MKS1: variants seen among roughly 807,000 people sequenced by gnomAD.
MKS1 encodes MKS transition zone complex subunit 1, also known as tectonic-like complex member MKS1.
Under a neutral mutation model 83.7 loss-of-function variants are expected in MKS1, and 70 were observed. The observed-to-expected ratio is 0.84, with a 90% CI of 0.69 to 1.02. The LOEUF (loss-of-function observed/expected upper bound fraction) is 1.02. MKS1 is among the 50% of genes least tolerant of loss of function. The probability of loss-of-function intolerance (pLI) is 0.00; values close to 1 mark genes in which losing one functional copy is unlikely to be tolerated. For synonymous variants in MKS1, 251 were observed against 273.4 expected, an observed-to-expected ratio of 0.92 and a Z score of 0.81; for missense variants, 681 against 726.9, an observed-to-expected ratio of 0.94 and a Z score of 0.73.
chr17:58,215,018 T>C (rs923200605), intron 4 of MKS1, 180 bp from the exon 5 acceptor site: 233 of 882,042 alleles, frequency 2.6e-4, no homozygotes, highest in Middle Eastern at 1.0e-3. Flanking sequence ...AGAAGATTTC[T>C]ACCACATCAT....
In MKS1 at chr17:58,206,263, A is replaced by G. The variant is rs2143734918; in HGVS notation, c.1588+20T>C. 1 of 1,614,060 alleles carries G rather than the reference A, an allele frequency of 6.2e-7. No individual in the cohort carries two copies. The highest frequency in any genetic ancestry group is 8.5e-7 in the Non-Finnish European group (1 of 1,179,954). ...AGGCCCATGCTGACCTGGGGTGGCC[A>G]GCTGGGGGAGGGGACATACCTAGCA... On this transcript the variant is annotated intron_variant, in intron 17 of 17. Coordinates refer to ENST00000393119, the MANE Select transcript of MKS1 (RefSeq NM_017777.4).
chr17:58,217,028 C>T (rs1457763798), intron 2 of MKS1, among the ~76,000 whole-genome samples: 3 of 152,210 alleles, frequency 2.0e-5, no homozygotes, highest in Admixed American at 2.0e-4. Flanking sequence ...CTCACTCTGT[C>T]ACCCAAGCTG....
chr17:58,219,013 A>T, intron 1 of MKS1, 138 bp downstream of exon 1: 1 of 1,254,524 alleles, frequency 8.0e-7, no homozygotes. Context: ...GGGGGTACGG[A>T]TAGTGAAAGA....
intron 10 of MKS1, 82 bp from the exon 11 acceptor site, chr17:58,210,806 C>A: frequency 8.1e-6 from 12 of 1,485,862 alleles, no homozygotes; most frequent in Non-Finnish European, 1.1e-5. Context: ...GGCCTACACA[C>A]CCTGAGAGCA....
chr17:58,213,167 T>G, intron 7 of MKS1, 77 bp from the exon 8 acceptor site: 2 of 1,407,218 alleles, frequency 1.4e-6, no homozygotes, highest in Non-Finnish European at 2.0e-6. Flanking sequence ...AGCCCAGGGA[T>G]GAGCGATCAG....
intron 1 of MKS1, 115 bp downstream of exon 1, chr17:58,219,036 G>A (rs2143841703): frequency 7.1e-7 from 1 of 1,417,916 alleles, no homozygotes; most frequent in East Asian, 2.5e-5. Flanking sequence ...TGGGGAGCCC[G>A]GAGAAGTGGT....
Position 58,205,666 on chromosome 17 carries a change from T to C in MKS1, c.*413A>G, listed in dbSNP as rs1968459591. The C allele has an allele frequency of 3.1e-6, 4 of 1,309,714 alleles. No individual in the cohort carries two copies. The highest frequency in any genetic ancestry group is 4.0e-6 in the Non-Finnish European group (4 of 992,850). The allele number at this position is 1,309,714 out of a possible 1,614,324, so 81.1% of individuals were successfully genotyped here. On this transcript the variant is annotated 3_prime_UTR_variant, in exon 18 of 18. Transcript: ENST00000393119. ...CTGGGGATTTAAGACCCTCTCACCGTCCACCTTCCTTCCTTCTTTGGTCTT... is the reference window on the plus strand; with the variant it reads ...CTGGGGATTTAAGACCCTCTCACCGCCCACCTTCCTTCCTTCTTTGGTCTT...
At chr17:58,216,837 C>G (rs987719415) in intron 2 of MKS1, 101 bp from the exon 3 acceptor site, 2 of 1,221,912 alleles carry the variant, frequency 1.6e-6, no homozygotes, top group East Asian at 2.4e-5. Flanking sequence ...ATATTTGCCA[C>G]AAAAACTAGC....
At chr17:58,207,826 T>C in intron 14 of MKS1, 68 bp downstream of exon 14, 1 of 1,387,384 alleles carries the variant, frequency 7.2e-7, no homozygotes, top group Non-Finnish European at 1.0e-6. Context: ...CCAGAAGCAT[T>C]CGAGTGTTAG....
intron 14 of MKS1, chr17:58,207,662 C>T: frequency 1.6e-6 from 1 of 609,716 alleles, no homozygotes; most frequent in Non-Finnish European, 2.9e-6. Flanking sequence ...ACCCTGAGTC[C>T]AATCAGAGGA....
At chr17:58,217,167 T>G (rs1302637227) in intron 2 of MKS1, among the ~76,000 whole-genome samples, 1 of 152,200 alleles carries the variant, frequency 6.6e-6, no homozygotes, top group South Asian at 2.1e-4. Flanking sequence ...TTTTGTATTA[T>G]CAGTAGAGAT....
In MKS1 at chr17:58,206,312, C is replaced by A; in HGVS notation, c.1559G>T (p.Ser520Ile). Residue 520 changes from serine (S) to isoleucine (I), a missense_variant, in exon 17 of 18, where the codon AGC becomes ATC. Physicochemically the swap from Ser to Ile is moderately radical, Grantham distance 142 (BLOSUM62 -2). Around this residue, in one of 3 missense-constraint regions of MKS1, gnomAD observed 310 missense variants for 321.7 expected, o/e 0.96. Coordinates refer to ENST00000393119, the MANE Select transcript of MKS1 (RefSeq NM_017777.4). ...CACATTGTGAATGGAACTCTGCTGG[C>A]TGAACCCTTCCAGACGGTCCAACAC... is the stretch of plus-strand genomic sequence containing the variant. ...RSVLDRLEGF[S>I]QQSSIHNVLE... The A allele has an allele frequency of 6.2e-7, 1 of 1,614,144 alleles. No individual in the cohort carries two copies. The highest frequency in any genetic ancestry group is 8.5e-7 in the Non-Finnish European group (1 of 1,180,028).
chr17:58,207,841 G>T, intron 14 of MKS1, 53 bp downstream of exon 14: 1 of 1,486,134 alleles, frequency 6.7e-7, no homozygotes, highest in Non-Finnish European at 9.4e-7. Context: ...TGTTAGTCTT[G>T]TTCTTAGGGC....
chr17:58,217,319 A>G (rs1403850415), intron 2 of MKS1, among the ~76,000 whole-genome samples: 1 of 152,234 alleles, frequency 6.6e-6, no homozygotes, highest in Admixed American at 6.5e-5. Flanking sequence ...CTAACTGGAT[A>G]TAAGAAACTG....
intron 9 of MKS1, 141 bp from the exon 10 acceptor site, chr17:58,211,163 T>C: frequency 1.4e-6 from 1 of 739,504 alleles, no homozygotes. Context: ...CTCCCCACCC[T>C]GACACTTCTC....
At chr17:58,215,759 C>A (rs897844469) in intron 4 of MKS1, 1 of 370,422 alleles carries the variant, frequency 2.7e-6, no homozygotes, top group East Asian at 6.4e-5. Flanking sequence ...TTGTTCCAGA[C>A]TCCACTACCT....
chr17:58,211,992 A>T (rs1307345868), intron 9 of MKS1, among the ~76,000 whole-genome samples: 5 of 152,164 alleles, frequency 3.3e-5, no homozygotes, highest in African/African-American at 1.2e-4. Flanking sequence ...TTTATTTTTT[A>T]AATTAATTAT....
At chr17:58,218,068 T>C (rs1969331500) in intron 2 of MKS1, among the ~76,000 whole-genome samples, 1 of 152,220 alleles carries the variant, frequency 6.6e-6, no homozygotes, top group African/African-American at 2.4e-5. Flanking sequence ...CATATGCAGA[T>C]TTTGCAAGCA....
In MKS1 at chr17:58,205,644, G is replaced by A. The variant is rs1400897569; in HGVS notation, c.*435C>T. The A allele has an allele frequency of 2.3e-6, 3 of 1,307,686 alleles. No homozygotes were observed. In the Admixed American group the frequency reaches 6.9e-5, roughly 30 times the overall value. The allele number at this position is 1,307,686 out of a possible 1,614,324, so 81.0% of individuals were successfully genotyped here. A position where few individuals can be genotyped will look rare whatever the true frequency, so the allele number is the denominator to read the frequency against. ...GAAAGAGGCTGAGACTCACAGGCTG[G>A]GGATTTAAGACCCTCTCACCGTCCA... On this transcript the variant is annotated 3_prime_UTR_variant, in exon 18 of 18. Coordinates refer to ENST00000393119, the MANE Select transcript of MKS1 (RefSeq NM_017777.4).
Sources: gnomAD v4.1 joint callset for allele counts (sites outside exome capture counted in the v4.1 genomes callset) on GRCh38, gnomAD v4.1.1 for gene constraint, gnomAD v4.1.1 regional missense constraint, MANE v1.5 for transcripts, NCBI Gene and HGNC (gene_info 2026-07-23, HGNC 2026-07-21) for gene names.